The following GUCY2C variants were observed in gnomAD, a reference collection of about 807,000 sequenced individuals.
GUCY2C encodes the protein guanylyl cyclase C.
Under a neutral mutation model 131.1 loss-of-function variants are expected in GUCY2C, and 118 were observed. The observed-to-expected ratio is 0.90, with a 90% CI of 0.78 to 1.05. The LOEUF is 1.05. Among genes scored for constraint, GUCY2C ranks in the 50% least tolerant of loss-of-function variants. The pLI, the probability that GUCY2C is intolerant of heterozygous loss-of-function variation, is 0.00. For synonymous variants in GUCY2C, 452 were observed against 457.8 expected (o/e 0.99, Z 0.16); for missense variants, 1,161 against 1,304.4 (o/e 0.89, Z 1.69).
chr12:14,645,459 A>G, intron 15 of GUCY2C, 144 bp from the exon 16 acceptor site: 2 of 575,826 alleles, frequency 3.5e-6, no homozygotes, highest in Admixed American at 3.2e-5. Flanking sequence ...GGATTTCATG[A>G]ACCTGTGTTT....
intron 1 of GUCY2C, among the ~76,000 whole-genome samples, chr12:14,689,756 T>G (rs7958259): frequency 0.03 from 4,593 of 152,270 alleles, 243 homozygotes; most frequent in African/African-American, 0.1. Context: ...AATCCAAAAT[T>G]TATCAATGGG....
At position 14,696,396 on chromosome 12, in the gene GUCY2C, C is replaced by G. The variant is rs770392197; in HGVS notation, c.53G>C (p.Gly18Ala). ...LALWSLLFQP[G>A]WLSFSSQVSQ... is the part of the protein sequence containing the mutation. ...CACCTGGGAACTAAAGGACAGCCAC[C>G]CGGGCTGGAAGAGCAGTGACCACAA... Residue 18 changes from glycine (G) to alanine (A), a missense_variant, in exon 1 of 27, where the codon GGG becomes GCG. Physicochemically the swap from Gly to Ala is moderately conservative, Grantham distance 60 (BLOSUM62 0). Transcript: ENST00000261170. 1.1e-5 allele frequency: 17 copies of G among 1,614,090 alleles called. No homozygotes were observed. The highest frequency in any genetic ancestry group is 1.0e-5 in the Non-Finnish European group (12 of 1,180,006).
chr12:14,651,526 T>G lies in GUCY2C; in HGVS notation c.1606-15A>C. 2.1e-6 allele frequency: 3 copies of G among 1,438,608 alleles called. No homozygotes were observed. The highest frequency in any genetic ancestry group is 2.9e-6 in the Non-Finnish European group (3 of 1,024,132). 89.1% of individuals were successfully genotyped at this position (1,438,608 alleles called of 1,614,324 possible). The stretch of plus-strand genomic sequence containing the variant: ...ATCTGAAGCAACTAGAAGAACGTGT[T>G]TGTTTACAAAGCAAATTAGGCAGAA... On this transcript the variant is annotated splice_polypyrimidine_tract_variant and intron_variant, in intron 14 of 26. Coordinates refer to ENST00000261170, the MANE Select transcript of GUCY2C (RefSeq NM_004963.4).
At chr12:14,614,801 T>C in intron 26 of GUCY2C, 66 bp downstream of exon 26, 3 of 916,656 alleles carry the variant, frequency 3.3e-6, no homozygotes, top group East Asian at 2.8e-5. Flanking sequence ...CAATTTAAAT[T>C]GGCTGTAACT....
At chr12:14,669,955 G>A (rs527409398) in intron 9 of GUCY2C, 122 bp from the exon 10 acceptor site, 48 of 533,472 alleles carry the variant, frequency 9.0e-5, no homozygotes, top group Non-Finnish European at 1.3e-4. Context: ...GTGAAAAAAG[G>A]CAACTGTTAA....
rs558583277 is a variant in GUCY2C, at chr12:14,646,845, A to G, written c.1711-1530T>C. The stretch of plus-strand genomic sequence containing the variant: ...GTGCTGGGATTATAAGGGACCTGTT[A>G]TAGGGTGCACAGTCTGGTGAAGGAA... On this transcript the variant is annotated intron_variant, in intron 15 of 26. Transcript: ENST00000261170. 2.0e-5 allele frequency among the ~76,000 whole-genome samples: 3 copies of G among 152,334 alleles called. No individual in the cohort carries two copies. In the South Asian group the frequency reaches 6.2e-4, roughly 32 times the overall value.
At chr12:14,672,396 G>A (rs561405708) in intron 9 of GUCY2C, 3 of 152,342 alleles carry the variant, frequency 2.0e-5, no homozygotes, top group Admixed American at 1.3e-4. Context: ...TAAAAGCATA[G>A]CATTACAGGG....
chr12:14,646,895 C>G (rs1027919360), intron 15 of GUCY2C, among the ~76,000 whole-genome samples: 1 of 152,050 alleles, frequency 6.6e-6, no homozygotes, highest in African/African-American at 2.4e-5. Context: ...AATAATCAGA[C>G]AAATAAACAT....
intron 9 of GUCY2C, among the ~76,000 whole-genome samples, chr12:14,670,222 G>T (rs922230699): frequency 1.4e-4 from 21 of 152,126 alleles, no homozygotes; most frequent in African/African-American, 4.1e-4. Context: ...ACAATATTAA[G>T]TTGCTTTTGA....
In GUCY2C at chr12:14,631,191, G is replaced by T. The variant is rs1014021303; in HGVS notation, c.2158-2454C>A. On this transcript the variant is annotated intron_variant, in intron 19 of 26. Coordinates refer to ENST00000261170, the MANE Select transcript of GUCY2C (RefSeq NM_004963.4). ...TATTTTTATCCCACAAGGAACAAAA[G>T]ATGTTTTTGTTTAAAGATTATAAAT... Among the ~76,000 whole-genome samples, 6 of 152,074 alleles carry T rather than the reference G, an allele frequency of 3.9e-5. 1 individual carries two copies. The highest frequency in any genetic ancestry group is 1.4e-4 in the African/African-American group (6 of 41,412).
chr12:14,660,750 C>A (rs1006675760), intron 11 of GUCY2C, among the ~76,000 whole-genome samples: 1 of 152,184 alleles, frequency 6.6e-6, no homozygotes, highest in Non-Finnish European at 1.5e-5. Flanking sequence ...ACTAGTAACT[C>A]AAAGAACTGG....
chr12:14,639,222 C>T (rs1033601216), intron 19 of GUCY2C, among the ~76,000 whole-genome samples: 9 of 147,006 alleles, frequency 6.1e-5, no homozygotes, highest in Non-Finnish European at 1.0e-4. Flanking sequence ...TGCTTGAAGA[C>T]GGGAGGCCGG....
At chr12:14,640,962 A>G (rs920658764) in intron 18 of GUCY2C, 120 bp downstream of exon 18, 36 of 844,946 alleles carry the variant, frequency 4.3e-5, no homozygotes, top group Non-Finnish European at 6.9e-5. Context: ...CAGATGGGAA[A>G]TCATTAATTT....
Position 14,683,249 on chromosome 12 carries a change from G to A in GUCY2C, c.404C>T (p.Thr135Ile), listed in dbSNP as rs1948387196. Residue 135 changes from threonine to isoleucine, a missense_variant, in exon 4 of 27, where the codon ACA becomes ATA. Physicochemically the swap from Thr to Ile is moderately conservative, Grantham distance 89 (BLOSUM62 -1). Coordinates refer to ENST00000261170, the MANE Select transcript of GUCY2C (RefSeq NM_004963.4). The part of the protein sequence containing the change: ...TYSTFQMYLD[T>I]ELSYPMISAG... ...TGAGATCATGGGGTAGCTCAATTCT[G>A]TGTCAAGGCTATGTCAAGAGGTTGA... 6.2e-7 allele frequency: 1 copy of A among 1,610,190 alleles called. No homozygotes were observed. Among genetic ancestry groups the A allele is most frequent in the Non-Finnish European group, 8.5e-7 (1 of 1,176,722 alleles).
At chr12:14,686,440 A>G (rs1167139203) in intron 2 of GUCY2C, among the ~76,000 whole-genome samples, 2 of 152,120 alleles carry the variant, frequency 1.3e-5, no homozygotes, top group Admixed American at 1.3e-4. Context: ...GAGGAAAGGT[A>G]TTTTACAAAG....
chr12:14,628,888 G>A (rs1947081772), intron 19 of GUCY2C, 151 bp from the exon 20 acceptor site: 1 of 608,234 alleles, frequency 1.6e-6, no homozygotes, highest in African/African-American at 1.9e-5. Flanking sequence ...CAGCTCTCTG[G>A]TTTCTGTCTC....
At chr12:14,686,808 T>G (rs1478815062) in intron 2 of GUCY2C, among the ~76,000 whole-genome samples, 2 of 152,108 alleles carry the variant, frequency 1.3e-5, no homozygotes, top group Non-Finnish European at 2.9e-5. Flanking sequence ...GATGTGGAGT[T>G]TATTGAACTA....
chr12:14,686,093 TG>T (rs1948463564), intron 3 of GUCY2C, 67 bp downstream of exon 3: 3 of 946,146 alleles, frequency 3.2e-6, no homozygotes, highest in Non-Finnish European at 5.2e-6. Context: ...TTGACTAGAC[TG>T]TTGTTTGATG....
chr12:14,648,959 G>C (rs1947583496), intron 15 of GUCY2C, among the ~76,000 whole-genome samples: 1 of 152,144 alleles, frequency 6.6e-6, no homozygotes, highest in African/African-American at 2.4e-5. Flanking sequence ...GGGGAGCCTA[G>C]GAATATTTCT....
Sources: gnomAD v4.1 joint callset for allele counts (sites outside exome capture counted in the v4.1 genomes callset) on GRCh38, gnomAD v4.1.1 for gene constraint, MANE v1.5 for transcripts, NCBI Gene and HGNC (gene_info 2026-07-23, HGNC 2026-07-21) for gene names.